The following VRTN variants were observed in gnomAD, a reference collection of about 807,000 sequenced individuals.
VRTN encodes the protein vertebrae development associated, also known as vertnin.
A neutral mutation model predicts 18.2 loss-of-function variants in VRTN; 5 were observed. That is an observed-to-expected ratio of 0.27 (90% CI 0.14 to 0.58). The LOEUF (loss-of-function observed/expected upper bound fraction) is 0.58. Among genes scored for constraint, VRTN ranks in the 20% least tolerant of loss-of-function variants. The pLI is 0.91. For missense variants in VRTN, 741 were observed against 939.4 expected (o/e 0.79, Z 2.76); for synonymous variants, 381 against 393.7 (o/e 0.97, Z 0.38).
intron 1 of VRTN, among the ~76,000 whole-genome samples, chr14:74,349,439 T>C (rs2085669222): frequency 6.6e-6 from 1 of 152,034 alleles, no homozygotes; most frequent in South Asian, 2.1e-4. Context: ...CAGGGGAGAA[T>C]CGAACCCACA....
chr14:74,329,639 C>T (rs1391322302), intron 1 of VRTN, among the ~76,000 whole-genome samples: 2 of 150,386 alleles, frequency 1.3e-5, no homozygotes, highest in African/African-American at 2.4e-5. Flanking sequence ...AGTGCAGTGG[C>T]GTGATCTCGG....
chr14:74,341,034 G>A (rs2085602237), intron 2 of VRTN, among the ~76,000 whole-genome samples: 1 of 152,144 alleles, frequency 6.6e-6, no homozygotes, highest in Non-Finnish European at 1.5e-5. Context: ...GAGCCACCGT[G>A]CCCAGCTGAA....
At chr14:74,308,839 C>A (rs935320660) in intron 1 of VRTN, among the ~76,000 whole-genome samples, 5 of 150,252 alleles carry the variant, frequency 3.3e-5, no homozygotes, top group African/African-American at 1.2e-4. Context: ...TATGCCCTGG[C>A]CTTGCCTATT....
intron 1 of VRTN, among the ~76,000 whole-genome samples, chr14:74,322,194 C>G (rs1021602138): frequency 6.6e-6 from 1 of 151,392 alleles, no homozygotes; most frequent in Non-Finnish European, 1.5e-5. Context: ...GTTGCCCATG[C>G]TGGAGTATAG....
intron 1 of VRTN, among the ~76,000 whole-genome samples, chr14:74,349,614 C>T (rs954919185): frequency 1.3e-5 from 2 of 152,202 alleles, no homozygotes; most frequent in African/African-American, 4.8e-5. Context: ...AAGACCAGGC[C>T]AGGCTCATAA....
At chr14:74,333,640 G>A (rs1274908037) in intron 1 of VRTN, among the ~76,000 whole-genome samples, 1 of 152,006 alleles carries the variant, frequency 6.6e-6, no homozygotes, top group East Asian at 1.9e-4. Flanking sequence ...AGGAGTTCAA[G>A]ACCAGCCTGA....
intron 1 of VRTN, among the ~76,000 whole-genome samples, chr14:74,313,669 C>T (rs945004872): frequency 6.6e-6 from 1 of 152,108 alleles, no homozygotes; most frequent in African/African-American, 2.4e-5. Context: ...GATTAAGGCC[C>T]CTGCAAGTCT....
intron 1 of VRTN, among the ~76,000 whole-genome samples, chr14:74,353,199 G>T (rs1355376421): frequency 6.6e-6 from 1 of 152,126 alleles, no homozygotes; most frequent in Non-Finnish European, 1.5e-5. Flanking sequence ...TGAGGCAGGA[G>T]AATCGCTTGA....
At position 74,359,010 on chromosome 14, in the gene VRTN, C is replaced by T; in HGVS notation, c.*118C>T. ...TGCTCTGGGTCCCACAGTGTCTACC[C>T]TAAGTCCAAGGGTATATTTGTGTTA... On this transcript the variant is annotated 3_prime_UTR_variant, in exon 2 of 2. Coordinates refer to ENST00000256362, the MANE Select transcript of VRTN (RefSeq NM_018228.3). 2 of 1,451,000 alleles carry T rather than the reference C, an allele frequency of 1.4e-6. No homozygotes were observed. Among genetic ancestry groups the T allele is most frequent in the Non-Finnish European group, 1.8e-6 (2 of 1,098,968 alleles). The allele number at this position is 1,451,000 out of a possible 1,614,324, so 89.9% of individuals were successfully genotyped here. A position where few individuals can be genotyped will look rare whatever the true frequency, so the allele number is the denominator to read the frequency against.
chr14:74,349,209 T>C lies in VRTN; in HGVS notation c.-2+557T>C, dbSNP rs1473194839. On this transcript the variant is annotated intron_variant, in intron 1 of 1. Coordinates refer to ENST00000256362, the MANE Select transcript of VRTN (RefSeq NM_018228.3). ...AGCCACTACCCTTGGTGGTGGGAATTTCCTTGGGAAGTCACAGCCCAAAGG... is the reference window on the plus strand; with the variant it reads ...AGCCACTACCCTTGGTGGTGGGAATCTCCTTGGGAAGTCACAGCCCAAAGG... Among the ~76,000 whole-genome samples, 3 of 152,180 alleles carry C rather than the reference T, an allele frequency of 2.0e-5. No individual in the cohort carries two copies. In the East Asian group the frequency reaches 5.8e-4, roughly 29 times the overall value.
At chr14:74,316,461 C>A (rs1026116491) in intron 1 of VRTN, among the ~76,000 whole-genome samples, 3 of 150,402 alleles carry the variant, frequency 2.0e-5, no homozygotes, top group Non-Finnish European at 4.4e-5. Flanking sequence ...TGTGGTGAGC[C>A]GAGATCACGC....
chr14:74,340,261 T>A (rs8019129), intron 2 of VRTN, among the ~76,000 whole-genome samples: 22 of 152,190 alleles, frequency 1.4e-4, no homozygotes, highest in Non-Finnish European at 3.1e-4. Context: ...TATAGGCATG[T>A]GCCACCACGC....
intron 2 of VRTN, among the ~76,000 whole-genome samples, chr14:74,340,365 G>A (rs1440303176): frequency 6.6e-6 from 1 of 151,886 alleles, no homozygotes; most frequent in Non-Finnish European, 1.5e-5. Context: ...ACCCACCTCG[G>A]CCTCCCAAAG....
At chr14:74,328,627 A>G (rs566439762) in intron 1 of VRTN, among the ~76,000 whole-genome samples, 12 of 152,328 alleles carry the variant, frequency 7.9e-5, no homozygotes, top group African/African-American at 2.9e-4. Context: ...ACAACAAAAC[A>G]TTCTACAGCT....
At chr14:74,343,029 TTAGA>T (rs1397886998) in intron 2 of VRTN, among the ~76,000 whole-genome samples, 4 of 152,196 alleles carry the variant, frequency 2.6e-5, no homozygotes, top group African/African-American at 9.6e-5. Flanking sequence ...TTTTCACCTA[TTAGA>T]TTGACAAAGA....
At chr14:74,331,587 T>C (rs1267955464) in intron 1 of VRTN, among the ~76,000 whole-genome samples, 7 of 112,980 alleles carry the variant, frequency 6.2e-5, no homozygotes, top group African/African-American at 2.4e-4. Context: ...TATATATATA[T>C]ATACAAAAAA....
chr14:74,307,758 T>G (rs943668790), intron 1 of VRTN, among the ~76,000 whole-genome samples: 1 of 151,970 alleles, frequency 6.6e-6, no homozygotes, highest in Non-Finnish European at 1.5e-5. Flanking sequence ...TGAGATGGAG[T>G]CTCGCTCTGT....
intron 1 of VRTN, among the ~76,000 whole-genome samples, chr14:74,354,878 A>G (rs537913947): frequency 6.6e-6 from 1 of 152,010 alleles, no homozygotes; most frequent in South Asian, 2.1e-4. Flanking sequence ...GTGACGGCTC[A>G]CACCTGTAAT....
At chr14:74,319,806 G>T (rs953846201) in intron 1 of VRTN, among the ~76,000 whole-genome samples, 2 of 152,202 alleles carry the variant, frequency 1.3e-5, no homozygotes, top group African/African-American at 4.8e-5. Context: ...TGTAGATTGA[G>T]AAGAAAAGAG....
Sources: allele counts gnomAD v4.1 joint callset (sites outside exome capture counted in the v4.1 genomes callset), GRCh38; gene constraint gnomAD v4.1.1; transcripts MANE v1.5; gene names NCBI Gene and HGNC (gene_info 2026-07-23, HGNC 2026-07-21).